Variants in NLK observed in about 807,000 individuals in gnomAD.
NLK encodes serine/threonine-protein kinase NLK.
Under a neutral mutation model 59.0 loss-of-function variants are expected in NLK, and 11 were observed. The observed-to-expected ratio is 0.19, with a 90% confidence interval of 0.12 to 0.31. NLK has a LOEUF of 0.31. Ranked by LOEUF, NLK falls within the 10% of genes least tolerant of loss-of-function variation. NLK has a pLI of 1.00. For missense variants in NLK, 410 were observed against 661.1 expected (o/e 0.62, Z 4.16); for synonymous variants, 235 against 235.9 (o/e 1.00, Z 0.03).
rs1399649052 is a variant in NLK at position 28,191,141 on chromosome 17, A to G, written c.1357A>G (p.Ser453Gly). The change falls in exon 9 of 11, where the codon AGT becomes GGT. Residue 453 changes from serine (S) to glycine (G), a missense_variant. By Grantham distance (56) the Ser-to-Gly change is moderately conservative. Transcript: ENST00000407008. Reference protein sequence around the residue: ...FSTSTGRVYTSDFEPVTNPKF... With the variant: ...FSTSTGRVYTGDFEPVTNPKF... ...CACCTCCACTGGAAGAGTTTATACC[A>G]GTGACTTTGAGCCTGTCACCAATCC... 1 of 1,613,724 alleles carries G rather than the reference A, an allele frequency of 6.2e-7. No individual in the cohort carries two copies. Among genetic ancestry groups the G allele is most frequent in the Non-Finnish European group, 8.5e-7 (1 of 1,179,862 alleles).
At chr17:28,092,264 C>T (rs558619871) in intron 1 of NLK, among the ~76,000 whole-genome samples, 1 of 65,988 alleles carries the variant, frequency 1.5e-5, no homozygotes, top group South Asian at 5.7e-4. Flanking sequence ...AAAGAAAAGG[C>T]GGGGGGGTGG....
chr17:28,203,164 T>TACATACACACACACACACACACACACAC, the NLK span, among the ~76,000 whole-genome samples: 1 of 136,928 alleles, frequency 7.3e-6, no homozygotes, highest in African/African-American at 2.9e-5. Flanking sequence ...TATACATACA[T>TACATACACACACACACACACACACACAC]ACACACACAC....
At chr17:28,143,680 T>TA (rs1251977823) in intron 3 of NLK, among the ~76,000 whole-genome samples, 1 of 152,246 alleles carries the variant, frequency 6.6e-6, no homozygotes, top group Non-Finnish European at 1.5e-5. Flanking sequence ...TAGAACGTCA[T>TA]ACAGCATCAG....
intron 1 of NLK, among the ~76,000 whole-genome samples, chr17:28,060,662 A>G (rs1325245328): frequency 2.0e-5 from 3 of 152,242 alleles, no homozygotes; most frequent in Admixed American, 6.5e-5. Context: ...GAAGAAATAC[A>G]AATTGTTAAA....
At chr17:28,093,946 T>C (rs1904605110) in intron 1 of NLK, among the ~76,000 whole-genome samples, 1 of 152,166 alleles carries the variant, frequency 6.6e-6, no homozygotes, top group Non-Finnish European at 1.5e-5. Context: ...CATTATAACA[T>C]TAGAATTTCA....
chr17:28,113,992 A>G (rs1905643094), intron 1 of NLK, among the ~76,000 whole-genome samples: 1 of 151,828 alleles, frequency 6.6e-6, no homozygotes, highest in Non-Finnish European at 1.5e-5. Context: ...TGTAGTGTAT[A>G]TTTATTGTGC....
intron 1 of NLK, among the ~76,000 whole-genome samples, chr17:28,107,435 A>G (rs1049409097): frequency 1.4e-5 from 2 of 143,946 alleles, no homozygotes; most frequent in African/African-American, 5.2e-5. Flanking sequence ...ACTCTGTCTC[A>G]AAAAAAAAAA....
chr17:28,155,635 AT>A (rs1484825554), intron 3 of NLK, among the ~76,000 whole-genome samples: 1 of 152,222 alleles, frequency 6.6e-6, no homozygotes, highest in Non-Finnish European at 1.5e-5. Flanking sequence ...TTGCAGGGCC[AT>A]GGATGAAGCT....
chr17:28,152,576 T>G (rs1455108996), intron 3 of NLK, among the ~76,000 whole-genome samples: 1 of 151,912 alleles, frequency 6.6e-6, no homozygotes, highest in African/African-American at 2.4e-5. Flanking sequence ...AAAAAAAAAG[T>G]CAGTAAACTC....
intron 1 of NLK, among the ~76,000 whole-genome samples, chr17:28,085,867 A>G (rs1910498686): frequency 6.6e-6 from 1 of 152,226 alleles, no homozygotes; most frequent in Admixed American, 6.5e-5. Flanking sequence ...AATTTGTCAC[A>G]GTAACATGCT....
chr17:28,164,663 G>A (rs1294881547), intron 5 of NLK, among the ~76,000 whole-genome samples: 2 of 152,140 alleles, frequency 1.3e-5, no homozygotes, highest in African/African-American at 4.8e-5. Flanking sequence ...CTCTTGAATA[G>A]AGAGAGGTCC....
At chr17:28,080,564 G>C (rs541750756) in intron 1 of NLK, among the ~76,000 whole-genome samples, 1 of 152,104 alleles carries the variant, frequency 6.6e-6, no homozygotes, top group Non-Finnish European at 1.5e-5. Context: ...GGTTATTATT[G>C]GTACAGAGCA....
In NLK at chr17:28,124,937, T is replaced by C. The variant is rs185227190; in HGVS notation, c.588+2205T>C. ...GGTGGCACATGCCTATAGTCCCAGC[T>C]ACTCAGGAGGCTGAGGTGGGAGATC... On this transcript the variant is annotated intron_variant, in intron 2 of 10. Transcript: ENST00000407008. 9.9e-4 allele frequency among the ~76,000 whole-genome samples: 150 copies of C among 152,028 alleles called. 1 individual carries two copies. The highest frequency in any genetic ancestry group is 3.5e-3 in the African/African-American group (146 of 41,444).
chr17:28,096,414 A>G (rs891097356), intron 1 of NLK, among the ~76,000 whole-genome samples: 7 of 152,222 alleles, frequency 4.6e-5, no homozygotes, highest in Admixed American at 2.0e-4. Context: ...TCAGTGGTAT[A>G]GACTTGAGTT....
intron 1 of NLK, among the ~76,000 whole-genome samples, chr17:28,089,039 A>C (rs1350216328): frequency 1.3e-5 from 2 of 152,238 alleles, no homozygotes; most frequent in Non-Finnish European, 2.9e-5. Context: ...CTCACAGTGC[A>C]TACACAGTAC....
chr17:28,175,721 A>G (rs1908651940), intron 7 of NLK, among the ~76,000 whole-genome samples: 1 of 152,238 alleles, frequency 6.6e-6, no homozygotes. Flanking sequence ...AACATAGAAT[A>G]GTGCCTGGCA....
intron 1 of NLK, among the ~76,000 whole-genome samples, chr17:28,114,475 A>C (rs113409955): frequency 6.6e-6 from 1 of 152,152 alleles, no homozygotes; most frequent in Non-Finnish European, 1.5e-5. Flanking sequence ...TTTGTTCCTT[A>C]TAAGTGTTGC....
chr17:28,090,877 T>C (rs1310488518), intron 1 of NLK, among the ~76,000 whole-genome samples: 2 of 152,194 alleles, frequency 1.3e-5, no homozygotes, highest in Admixed American at 6.5e-5. Context: ...CTTTTTTTCC[T>C]CTGGCAGCTT....
At chr17:28,082,584 G>A (rs912205361) in intron 1 of NLK, among the ~76,000 whole-genome samples, 1 of 152,170 alleles carries the variant, frequency 6.6e-6, no homozygotes, top group Non-Finnish European at 1.5e-5. Context: ...GGTTAAAAGG[G>A]AAGCACAGTC....
Sources: allele counts gnomAD v4.1 joint callset (sites outside exome capture counted in the v4.1 genomes callset), GRCh38; gene constraint gnomAD v4.1.1; transcripts MANE v1.5; gene names NCBI Gene and HGNC (gene_info 2026-07-23, HGNC 2026-07-21).